EPSTI1: variants seen among roughly 807,000 people sequenced by gnomAD.
The protein encoded by EPSTI1 is epithelial stromal interaction 1.
Under a neutral mutation model 49.9 loss-of-function variants are expected in EPSTI1, and 66 were observed. That is an observed-to-expected ratio of 1.32 (90% CI 1.08 to 1.62). The LOEUF is 1.62. Ranked by LOEUF, EPSTI1 falls within the 40% of genes most tolerant of loss-of-function variation. EPSTI1 has a pLI of 0.00. For missense variants in EPSTI1, 394 were observed against 365.5 expected, an observed-to-expected ratio of 1.08 and a Z score of -0.64; for synonymous variants, 137 against 130.7, an observed-to-expected ratio of 1.05 and a Z score of -0.33.
chr13:42,920,092 A>T (rs2037950110), intron 7 of EPSTI1, among the ~76,000 whole-genome samples: 1 of 152,106 alleles, frequency 6.6e-6, no homozygotes. Context: ...ACTTTTCATA[A>T]TGAATTTGAA....
chr13:42,890,954 A>G (rs1174853356), intron 10 of EPSTI1, among the ~76,000 whole-genome samples: 1 of 152,142 alleles, frequency 6.6e-6, no homozygotes, highest in Non-Finnish European at 1.5e-5. Context: ...ACCACAAGTG[A>G]GTATTGTAAT....
chr13:42,901,648 C>T (rs554601131), intron 8 of EPSTI1, among the ~76,000 whole-genome samples: 19 of 152,252 alleles, frequency 1.2e-4, no homozygotes, highest in African/African-American at 4.3e-4. Flanking sequence ...ACCAAGTATA[C>T]CAATGTGAAA....
At position 42,915,463 on chromosome 13, in the gene EPSTI1, C is replaced by T. The variant is rs190574422; in HGVS notation, c.741+2078G>A. On this transcript the variant is annotated intron_variant, in intron 8 of 10. Transcript: ENST00000313624. Reference sequence around the variant, plus strand: ...AGGAGAATCACTTGAGCCTGGGAGGCGGAGGTTGCAGTGAGCCAAGATCAT... The same window carrying T: ...AGGAGAATCACTTGAGCCTGGGAGGTGGAGGTTGCAGTGAGCCAAGATCAT... 3.3e-4 allele frequency among the ~76,000 whole-genome samples: 50 copies of T among 152,186 alleles called. No homozygotes were observed. The East Asian group carries it at 4.3e-3, about 13-fold the overall frequency.
intron 8 of EPSTI1, among the ~76,000 whole-genome samples, chr13:42,904,188 G>A (rs183618368): frequency 6.6e-6 from 1 of 152,244 alleles, no homozygotes; most frequent in East Asian, 1.9e-4. Flanking sequence ...AGATTCAGTG[G>A]TTCAGTGACT....
chr13:42,919,072 A>C (rs1198525777), intron 7 of EPSTI1, among the ~76,000 whole-genome samples: 1 of 152,266 alleles, frequency 6.6e-6, no homozygotes, highest in Non-Finnish European at 1.5e-5. Flanking sequence ...CAAAATTACA[A>C]CTTGAATGAG....
intron 3 of EPSTI1, among the ~76,000 whole-genome samples, chr13:42,965,113 C>T (rs943352248): frequency 6.6e-6 from 1 of 152,050 alleles, no homozygotes; most frequent in African/African-American, 2.4e-5. Context: ...ATGTTTCTTT[C>T]AAAACAGTAA....
intron 8 of EPSTI1, among the ~76,000 whole-genome samples, chr13:42,915,745 ATAT>A (rs1466874379): frequency 6.6e-6 from 1 of 152,236 alleles, no homozygotes; most frequent in African/African-American, 2.4e-5. Context: ...GTAAAAGGAT[ATAT>A]AATAAAAATA....
chr13:42,908,904 GA>G (rs2037579511), intron 8 of EPSTI1, among the ~76,000 whole-genome samples: 2 of 146,610 alleles, frequency 1.4e-5, no homozygotes, highest in South Asian at 4.4e-4. Context: ...TCAACATGGT[GA>G]AACCCTGTCT....
chr13:42,911,244 A>AGTGT (rs372327588), intron 8 of EPSTI1, among the ~76,000 whole-genome samples: 16,117 of 147,078 alleles, frequency 0.11, 1,102 homozygotes, highest in East Asian at 0.26. Context: ...AGAGAGAGAG[A>AGTGT]GTGTGTGTGT....
chr13:42,953,367 G>T (rs2039160498), intron 6 of EPSTI1, among the ~76,000 whole-genome samples: 1 of 152,074 alleles, frequency 6.6e-6, no homozygotes, highest in Non-Finnish European at 1.5e-5. Context: ...GGCCAGAAAG[G>T]ACATGAGCTT....
chr13:42,953,799 C>T (rs1230115720), intron 6 of EPSTI1, 149 bp downstream of exon 6: 5 of 616,924 alleles, frequency 8.1e-6, no homozygotes, highest in Non-Finnish European at 1.4e-5. Flanking sequence ...TCCCACCTTA[C>T]TTACATGGTG....
intron 1 of EPSTI1, among the ~76,000 whole-genome samples, chr13:42,990,467 CAG>C (rs2040173821): frequency 6.6e-6 from 1 of 152,168 alleles, no homozygotes; most frequent in Non-Finnish European, 1.5e-5. Flanking sequence ...TGCTTTTTAA[CAG>C]AAAAAAGTCA....
At chr13:42,936,841 T>C (rs112023721) in intron 6 of EPSTI1, among the ~76,000 whole-genome samples, 61 of 152,328 alleles carry the variant, frequency 4.0e-4, no homozygotes, top group African/African-American at 1.3e-3. Context: ...ACTTAAACTC[T>C]TGATATTTTT....
intron 9 of EPSTI1, among the ~76,000 whole-genome samples, chr13:42,896,642 T>C (rs1330938456): frequency 3.9e-5 from 6 of 152,208 alleles, no homozygotes; most frequent in South Asian, 4.1e-4. Flanking sequence ...CTAGTCCCCA[T>C]ACAACAACCT....
At chr13:42,902,912 C>T (rs1012368194) in intron 8 of EPSTI1, among the ~76,000 whole-genome samples, 3 of 152,168 alleles carry the variant, frequency 2.0e-5, no homozygotes, top group East Asian at 1.9e-4. Flanking sequence ...GATATCCTCA[C>T]GGTGGCTCAT....
chr13:42,948,863 T>G (rs1182018519), intron 6 of EPSTI1, among the ~76,000 whole-genome samples: 2 of 152,230 alleles, frequency 1.3e-5, no homozygotes, highest in Admixed American at 1.3e-4. Flanking sequence ...TCTGTTACAT[T>G]TAATGTGTAA....
chr13:42,908,965 C>T (rs12867255), intron 8 of EPSTI1, among the ~76,000 whole-genome samples: 70,226 of 149,770 alleles, frequency 0.47, 17,486 homozygotes, highest in Non-Finnish European at 0.57. Context: ...TGGTGGTGGG[C>T]GCCTGTAATC....
At chr13:42,893,308 A>G (rs536273529) in intron 10 of EPSTI1, among the ~76,000 whole-genome samples, 4 of 152,210 alleles carry the variant, frequency 2.6e-5, no homozygotes, top group Admixed American at 1.3e-4. Flanking sequence ...AGAGAGTATT[A>G]TTAGAACAAA....
chr13:42,946,725 T>C (rs1261489759), intron 6 of EPSTI1, among the ~76,000 whole-genome samples: 3 of 152,206 alleles, frequency 2.0e-5, no homozygotes, highest in Non-Finnish European at 2.9e-5. Flanking sequence ...CCTGTGTTTC[T>C]ACAGTGCTCA....
Sources: gnomAD v4.1 joint callset for allele counts (sites outside exome capture counted in the v4.1 genomes callset) on GRCh38, gnomAD v4.1.1 for gene constraint, MANE v1.5 for transcripts, NCBI Gene and HGNC (gene_info 2026-07-23, HGNC 2026-07-21) for gene names.